The following FNBP4 variants were observed in gnomAD, a reference collection of about 807,000 sequenced individuals.
FNBP4 encodes the protein formin binding protein 4, also known as formin-binding protein 4.
A neutral mutation model predicts 119.3 loss-of-function variants in FNBP4; 34 were observed. The ratio of observed to expected loss-of-function variants is 0.28; its 90% CI spans 0.22 to 0.38. The LOEUF (loss-of-function observed/expected upper bound fraction) is 0.38, where lower values mean the gene tolerates loss of function less well. Ranked by LOEUF, FNBP4 falls within the 10% of genes least tolerant of loss-of-function variation. FNBP4 has a pLI of 1.00. For missense variants in FNBP4, 1,112 were observed against 1,228.9 expected, an observed-to-expected ratio of 0.90 and a Z score of 1.42; for synonymous variants, 462 against 430.6, an observed-to-expected ratio of 1.07 and a Z score of -0.90.
At chr11:47,729,530 CAG>C (rs1246381979) in intron 12 of FNBP4, 5 of 984,324 alleles carry the variant, frequency 5.1e-6, no homozygotes, top group Non-Finnish European at 4.8e-6. Context: ...ATTTTTGAGA[CAG>C]GGTCTTGTTC....
At chr11:47,761,887 G>A (rs2097635596) in intron 2 of FNBP4, among the ~76,000 whole-genome samples, 1 of 151,778 alleles carries the variant, frequency 6.6e-6, no homozygotes, top group Non-Finnish European at 1.5e-5. Context: ...TGCCCAGGCT[G>A]GAGTGCAATG....
rs1003564410 is a variant in FNBP4 at position 47,723,450 on chromosome 11, T to C, written c.2465-134A>G. 4 of 1,381,722 alleles carry C rather than the reference T, an allele frequency of 2.9e-6. No individual in the cohort carries two copies. In the African/African-American group the frequency reaches 5.8e-5, roughly 20 times the overall value. 85.6% of individuals were successfully genotyped at this position (1,381,722 alleles called of 1,614,324 possible). On this transcript the variant is annotated intron_variant, in intron 14 of 16. Transcript: ENST00000263773. ...TCCTTTTCTAAAAAGCATAGCCATA[T>C]TTGCTGGTAGCAAAATATATTAATT...
At chr11:47,743,699 G>C (rs756753589) in intron 8 of FNBP4, 6 of 483,014 alleles carry the variant, frequency 1.2e-5, no homozygotes, top group Non-Finnish European at 2.2e-5. Context: ...GGGCAACGTA[G>C]ACAGAGAGAA....
chr11:47,728,524 C>T (rs1435765326), intron 12 of FNBP4, among the ~76,000 whole-genome samples: 1 of 152,014 alleles, frequency 6.6e-6, no homozygotes, highest in East Asian at 1.9e-4. Context: ...GGATTACAGC[C>T]GTGAGCTGTA....
rs538442644 is a variant in FNBP4 at position 47,731,620 on chromosome 11, C to T, written c.1821-59G>A. 1.9e-4 allele frequency: 301 copies of T among 1,550,108 alleles called. 1 individual carries two copies. Among genetic ancestry groups the T allele is most frequent in the Admixed American group, 2.6e-4 (13 of 49,924 alleles). Reference sequence around the variant, plus strand: ...ACCCGTTCTCCTACAAAGACACTTCCATTTGGTCCTGTCCCAGGACAGCAG... The same window carrying T: ...ACCCGTTCTCCTACAAAGACACTTCTATTTGGTCCTGTCCCAGGACAGCAG... On this transcript the variant is annotated intron_variant, in intron 11 of 16. Coordinates refer to ENST00000263773, the MANE Select transcript of FNBP4 (RefSeq NM_015308.5).
At chr11:47,734,227 G>A (rs1381322519) in intron 9 of FNBP4, 98 bp from the exon 10 acceptor site, 1 of 613,584 alleles carries the variant, frequency 1.6e-6, no homozygotes, top group Non-Finnish European at 2.6e-6. Flanking sequence ...TAGAAATATG[G>A]GTCTGCCTAT....
chr11:47,754,298 C>T (rs2097611185), intron 3 of FNBP4, among the ~76,000 whole-genome samples: 1 of 151,594 alleles, frequency 6.6e-6, no homozygotes, highest in South Asian at 2.1e-4. Context: ...AGGATCGCTT[C>T]AGCCCAAGAG....
At chr11:47,761,078 T>C (rs112723614) in intron 2 of FNBP4, among the ~76,000 whole-genome samples, 1 of 152,202 alleles carries the variant, frequency 6.6e-6, no homozygotes, top group Non-Finnish European at 1.5e-5. Context: ...AGGACATACC[T>C]GATTTATTAC....
intron 1 of FNBP4, among the ~76,000 whole-genome samples, chr11:47,766,818 A>C (rs1027043060): frequency 1.3e-5 from 2 of 152,172 alleles, no homozygotes; most frequent in Admixed American, 6.5e-5. Flanking sequence ...AACTTCGGTC[A>C]TATTTCAAAC....
intron 16 of FNBP4, among the ~76,000 whole-genome samples, chr11:47,717,953 C>T (rs2097551490): frequency 6.6e-6 from 1 of 151,574 alleles, no homozygotes; most frequent in Non-Finnish European, 1.5e-5. Flanking sequence ...CAGGGTTTCT[C>T]CATGTTGGTC....
At chr11:47,749,001 A>G (rs141567326) in intron 6 of FNBP4, among the ~76,000 whole-genome samples, 8 of 152,220 alleles carry the variant, frequency 5.3e-5, no homozygotes, top group African/African-American at 1.9e-4. Flanking sequence ...GCTCACACCT[A>G]TAATGTAAGC....
intron 2 of FNBP4, among the ~76,000 whole-genome samples, chr11:47,763,721 C>G (rs903226514): frequency 6.6e-6 from 1 of 152,020 alleles, no homozygotes; most frequent in Non-Finnish European, 1.5e-5. Flanking sequence ...AGGATGGTCT[C>G]GATCTCCTGA....
rs746830606 is a variant in FNBP4 at position 47,736,647 on chromosome 11, G to A, written c.1550C>T (p.Thr517Ile). 6.2e-7 allele frequency: 1 copy of A among 1,601,014 alleles called. No homozygotes were observed. Among genetic ancestry groups the A allele is most frequent in the Non-Finnish European group, 8.5e-7 (1 of 1,170,042 alleles). Reference sequence around the variant, plus strand: ...ATCCTGTTCTTCTTCTACTTTTGGTGTTGTCTGTACTTTTATTTTCTCTGG... The same window carrying A: ...ATCCTGTTCTTCTTCTACTTTTGGTATTGTCTGTACTTTTATTTTCTCTGG... ...ESPEKIKVQT[T>I]PKVEEEQDLK... Residue 517 changes from threonine (T) to isoleucine (I), a missense_variant, in exon 9 of 17, where the codon ACA becomes ATA. By Grantham distance (89) the Thr-to-Ile change is moderately conservative. Transcript: ENST00000263773.
Position 47,752,814 on chromosome 11 carries a change from A to AAAACAAAC in FNBP4, c.637+94_637+101dup, listed in dbSNP as rs35333514. ...GGGCGACAGAGCGAGATTCCATCTC[A>AAAACAAAC]AAACAAACAAACAAACAAACAAACA... On this transcript the variant is annotated intron_variant, in intron 4 of 16. Coordinates refer to ENST00000263773, the MANE Select transcript of FNBP4 (RefSeq NM_015308.5). 5.5e-4 allele frequency: 558 copies of AAAACAAAC among 1,010,218 alleles called. 5 individuals carry two copies. The highest frequency in any genetic ancestry group is 3.8e-3 in the South Asian group (218 of 57,622). 62.6% of individuals were successfully genotyped at this position (1,010,218 alleles called of 1,614,324 possible). A position where few individuals can be genotyped will look rare whatever the true frequency, so the allele number is the denominator to read the frequency against.
intron 8 of FNBP4, among the ~76,000 whole-genome samples, chr11:47,737,606 G>C (rs1002838686): frequency 2.0e-5 from 3 of 151,104 alleles, no homozygotes; most frequent in East Asian, 2.0e-4. Context: ...TGTTCAGCTA[G>C]TTTTTGTATT....
chr11:47,767,089 G>C lies in FNBP4; in HGVS notation c.200C>G (p.Ser67Trp). The C allele has an allele frequency of 1.3e-6, 2 of 1,531,516 alleles. No individual in the cohort carries two copies. Among genetic ancestry groups the C allele is most frequent in the Non-Finnish European group, 1.7e-6 (2 of 1,145,328 alleles). 94.9% of individuals were successfully genotyped at this position (1,531,516 alleles called of 1,614,324 possible). Residue 67 changes from serine to tryptophan, a missense_variant, in exon 1 of 17, where the codon TCG (serine) becomes TGG (tryptophan). By Grantham distance (177) the Ser-to-Trp change is radical (BLOSUM62 -3). This residue lies in a region of FNBP4 where 286 missense variants were observed against 240.1 expected (regional missense o/e 1.19). Transcript: ENST00000263773. The stretch of plus-strand genomic sequence containing the variant: ...CTTGCCTTCTGAAGGCGAGTCGTCC[G>C]AGGCCGCGGCGGCAGTCACCGCGGT... Reference protein sequence around the residue: ...TTTAVTAAAASDDSPSEDEQE... With the variant: ...TTTAVTAAAAWDDSPSEDEQE...
At chr11:47,750,492 A>T (rs979062126) in intron 6 of FNBP4, among the ~76,000 whole-genome samples, 1 of 150,610 alleles carries the variant, frequency 6.6e-6, no homozygotes, top group African/African-American at 2.4e-5. Context: ...GATCGAGACC[A>T]TCCTGGCTAA....
chr11:47,733,281 T>G (rs1821293349), intron 10 of FNBP4, among the ~76,000 whole-genome samples: 1 of 152,194 alleles, frequency 6.6e-6, no homozygotes, highest in African/African-American at 2.4e-5. Flanking sequence ...TTACTTTTTT[T>G]GGGAGATAGT....
At chr11:47,730,667 C>T (rs149266308) in intron 12 of FNBP4, among the ~76,000 whole-genome samples, 2 of 152,282 alleles carry the variant, frequency 1.3e-5, no homozygotes, top group East Asian at 3.9e-4. Context: ...AAATAGCTAC[C>T]AATTCTTAAG....
Sources: allele counts gnomAD v4.1 joint callset (sites outside exome capture counted in the v4.1 genomes callset), GRCh38; gene constraint gnomAD v4.1.1; regional missense constraint gnomAD v4.1.1; transcripts MANE v1.5; gene names NCBI Gene and HGNC (gene_info 2026-07-23, HGNC 2026-07-21).